CEP112: variants seen among roughly 807,000 people sequenced by gnomAD.
CEP112 encodes centrosomal protein 112.
Under a neutral mutation model 153.0 loss-of-function variants are expected in CEP112, and 127 were observed. The ratio of observed to expected loss-of-function variants is 0.83; its 90% CI spans 0.72 to 0.96. CEP112 has a LOEUF of 0.96. CEP112 is among the 40% of genes least tolerant of loss of function. The probability of loss-of-function intolerance (pLI) is 0.00; values close to 1 mark genes in which losing one functional copy is unlikely to be tolerated. For synonymous variants in CEP112, 358 were observed against 374.4 expected (o/e 0.96, Z 0.51); for missense variants, 1,089 against 1,101.2 (o/e 0.99, Z 0.16).
chr17:65,753,099 G>A (rs2051991856), intron 21 of CEP112, among the ~76,000 whole-genome samples: 1 of 152,140 alleles, frequency 6.6e-6, no homozygotes, highest in Non-Finnish European at 1.5e-5. Flanking sequence ...AAACAGGTGA[G>A]TTCTGTCCAC....
chr17:66,037,628 G>A (rs2065791848), intron 12 of CEP112, among the ~76,000 whole-genome samples: 1 of 151,856 alleles, frequency 6.6e-6, no homozygotes, highest in Admixed American at 6.6e-5. Context: ...GATTATGTTT[G>A]TCTTTCCGTA....
At chr17:66,109,203 T>C (rs1172340246) in intron 6 of CEP112, among the ~76,000 whole-genome samples, 2 of 152,296 alleles carry the variant, frequency 1.3e-5, no homozygotes, top group South Asian at 2.1e-4. Flanking sequence ...TAGTATTTGA[T>C]AGCACAATAG....
intron 24 of CEP112, among the ~76,000 whole-genome samples, chr17:65,654,032 C>T (rs2045927625): frequency 1.6e-5 from 2 of 125,518 alleles, no homozygotes; most frequent in African/African-American, 6.2e-5. Context: ...GTACTCTAGC[C>T]TGGCAACCAG....
At chr17:66,128,127 C>T (rs766845105) in intron 6 of CEP112, among the ~76,000 whole-genome samples, 1 of 151,340 alleles carries the variant, frequency 6.6e-6, no homozygotes, top group Non-Finnish European at 1.5e-5. Flanking sequence ...CATGGTGAAA[C>T]CCCCGTCTCT....
intron 21 of CEP112, among the ~76,000 whole-genome samples, chr17:65,791,385 A>G (rs2054583864): frequency 6.6e-6 from 1 of 152,194 alleles, no homozygotes; most frequent in Non-Finnish European, 1.5e-5. Flanking sequence ...TGGCCCAGGA[A>G]TCTGATTTAA....
chr17:66,056,449 A>G (rs1001855960), intron 11 of CEP112, among the ~76,000 whole-genome samples: 5 of 152,258 alleles, frequency 3.3e-5, no homozygotes, highest in African/African-American at 1.2e-4. Context: ...TCACAGCAAC[A>G]TTATTCACGA....
intron 16 of CEP112, among the ~76,000 whole-genome samples, chr17:66,007,822 C>A (rs1203114059): frequency 6.6e-6 from 1 of 152,154 alleles, no homozygotes; most frequent in Non-Finnish European, 1.5e-5. Flanking sequence ...TACATATTCA[C>A]CTCTCCTTTT....
intron 12 of CEP112, among the ~76,000 whole-genome samples, chr17:66,031,436 T>C (rs2065465804): frequency 6.6e-6 from 1 of 151,424 alleles, no homozygotes; most frequent in Non-Finnish European, 1.5e-5. Flanking sequence ...CAGATCACAA[T>C]CCCAATGCTA....
At chr17:65,741,955 G>A (rs1464029957) in intron 23 of CEP112, among the ~76,000 whole-genome samples, 1 of 150,994 alleles carries the variant, frequency 6.6e-6, no homozygotes, top group Non-Finnish European at 1.5e-5. Flanking sequence ...TATAACACAG[G>A]TAGGGGAAAT....
intron 18 of CEP112, among the ~76,000 whole-genome samples, chr17:65,945,848 T>C (rs1012700521): frequency 2.0e-5 from 3 of 152,180 alleles, no homozygotes; most frequent in African/African-American, 7.2e-5. Flanking sequence ...GGTTTCACCA[T>C]GTTGGCCAGG....
intron 21 of CEP112, among the ~76,000 whole-genome samples, chr17:65,801,661 G>C (rs982634510): frequency 6.6e-6 from 1 of 152,162 alleles, no homozygotes; most frequent in African/African-American, 2.4e-5. Flanking sequence ...TTGGTTAACA[G>C]TGTTTTTCTT....
At chr17:65,842,213 A>G (rs1320981300) in intron 21 of CEP112, among the ~76,000 whole-genome samples, 5 of 152,128 alleles carry the variant, frequency 3.3e-5, no homozygotes, top group Non-Finnish European at 1.5e-5. Context: ...AGGACAAAGG[A>G]GGATTAATCT....
At chr17:65,668,552 C>T (rs192999021) in intron 24 of CEP112, among the ~76,000 whole-genome samples, 1 of 152,274 alleles carries the variant, frequency 6.6e-6, no homozygotes, top group East Asian at 1.9e-4. Context: ...GCAGAGAAAA[C>T]TCTAAAACCA....
chr17:65,980,204 G>A (rs574366433), intron 17 of CEP112, among the ~76,000 whole-genome samples: 2 of 152,102 alleles, frequency 1.3e-5, no homozygotes, highest in South Asian at 4.2e-4. Context: ...AAAGTCCCTC[G>A]ACATTTGTGT....
intron 23 of CEP112, among the ~76,000 whole-genome samples, chr17:65,711,164 C>CTAAA (rs1180542742): frequency 6.6e-6 from 1 of 152,184 alleles, no homozygotes; most frequent in Non-Finnish European, 1.5e-5. Flanking sequence ...TCTCCCAGCA[C>CTAAA]TAAATTCAAC....
At chr17:65,889,834 C>T (rs1341557770) in intron 20 of CEP112, among the ~76,000 whole-genome samples, 2 of 152,080 alleles carry the variant, frequency 1.3e-5, no homozygotes, top group Non-Finnish European at 2.9e-5. Context: ...TTGTCACTGC[C>T]TTGGCTAAGG....
At chr17:66,015,642 G>A (rs772546116) in intron 16 of CEP112, among the ~76,000 whole-genome samples, 25 of 152,172 alleles carry the variant, frequency 1.6e-4, no homozygotes, top group Non-Finnish European at 3.1e-4. Flanking sequence ...CAAATAAGAA[G>A]ACTAAAGTCA....
Position 65,852,043 on chromosome 17 carries a change from T to A in CEP112, c.2164-9A>T, listed in dbSNP as rs751313319. 1.3e-6 allele frequency: 2 copies of A among 1,586,320 alleles called. No homozygotes were observed. Among genetic ancestry groups the A allele is most frequent in the South Asian group, 1.1e-5 (1 of 87,002 alleles). On this transcript the variant is annotated splice_polypyrimidine_tract_variant and intron_variant, in intron 20 of 26. Transcript: ENST00000535342. ...TCCATGTCGGCAATAACCTTGTTTT[T>A]AAAAATGGAAAAATGGGCAGAAGAT... is the stretch of plus-strand genomic sequence containing the variant.
intron 23 of CEP112, among the ~76,000 whole-genome samples, chr17:65,726,686 G>A (rs1222377491): frequency 1.3e-5 from 2 of 152,056 alleles, no homozygotes; most frequent in Admixed American, 6.6e-5. Flanking sequence ...TTAGTCATAC[G>A]ACGTTTTCAG....
Sources: allele counts gnomAD v4.1 joint callset (sites outside exome capture counted in the v4.1 genomes callset), GRCh38; gene constraint gnomAD v4.1.1; transcripts MANE v1.5; gene names NCBI Gene and HGNC (gene_info 2026-07-23, HGNC 2026-07-21).